Variants in ALKBH1 observed in about 807,000 individuals in gnomAD.
ALKBH1 encodes alkB homolog 1, histone H2A dioxygenase.
ALKBH1 carries 31 observed loss-of-function variants against 36.6 expected under a neutral mutation model. That is an observed-to-expected ratio of 0.85 (90% CI 0.64 to 1.14). The LOEUF is 1.14. Ranked by LOEUF, ALKBH1 falls within the 50% of genes most tolerant of loss-of-function variation. The probability of loss-of-function intolerance (pLI) is 0.00; values close to 1 mark genes in which losing one functional copy is unlikely to be tolerated. For synonymous variants in ALKBH1, 183 were observed against 186.6 expected (o/e 0.98, Z 0.16); for missense variants, 490 against 497.3 (o/e 0.99, Z 0.14).
In ALKBH1 at chr14:77,673,859, C is replaced by A; in HGVS notation, c.1123G>T (p.Asp375Tyr). Residue 375 changes from aspartate to tyrosine, a missense_variant, in exon 6 of 6, where the codon GAC (aspartate) becomes TAC (tyrosine). Physicochemically the swap from Asp to Tyr is radical, Grantham distance 160. Coordinates refer to ENST00000216489, the MANE Select transcript of ALKBH1 (RefSeq NM_006020.3). Reference protein sequence around the residue: ...ISTEGFCHLDDQNSEVKRARI... With the variant: ...ISTEGFCHLDYQNSEVKRARI... Reference sequence around the variant, plus strand: ...GCCCGTTTTACTTCGCTATTCTGGTCATCCAGATGGCAGAAACCTTCTGTA... The same window carrying A: ...GCCCGTTTTACTTCGCTATTCTGGTAATCCAGATGGCAGAAACCTTCTGTA... The A allele has an allele frequency of 6.2e-7, 1 of 1,614,096 alleles. No individual in the cohort carries two copies. The highest frequency in any genetic ancestry group is 1.1e-5 in the South Asian group (1 of 91,048).
At chr14:77,688,619 C>A (rs1443532252) in intron 3 of ALKBH1, among the ~76,000 whole-genome samples, 1 of 146,074 alleles carries the variant, frequency 6.8e-6, no homozygotes, top group Admixed American at 7.0e-5. Flanking sequence ...GTGGTGCGAT[C>A]TTGGCTCACT....
At chr14:77,699,514 T>C (rs1296813563) in intron 2 of ALKBH1, among the ~76,000 whole-genome samples, 1 of 152,234 alleles carries the variant, frequency 6.6e-6, no homozygotes, top group East Asian at 1.9e-4. Context: ...TGCTATCTCA[T>C]TAATCTTCAG....
chr14:77,683,207 C>T, intron 3 of ALKBH1: 1 of 660,264 alleles, frequency 1.5e-6, no homozygotes, highest in South Asian at 1.5e-5. Context: ...ACCTATTATG[C>T]TATGAATCCA....
At chr14:77,701,295 C>T (rs970177596) in intron 2 of ALKBH1, among the ~76,000 whole-genome samples, 1 of 152,052 alleles carries the variant, frequency 6.6e-6, no homozygotes, top group Non-Finnish European at 1.5e-5. Flanking sequence ...TCATAAGAAC[C>T]TTATGAAGTA....
chr14:77,696,613 C>G (rs2080328534), intron 2 of ALKBH1: 1 of 152,566 alleles, frequency 6.6e-6, no homozygotes, highest in Non-Finnish European at 1.5e-5. Context: ...AATTGGACAT[C>G]ACATGGCTCA....
rs374519674 is a variant in ALKBH1 at position 77,679,958 on chromosome 14, C to T, written c.468G>A (p.Ala156=). The change falls in exon 4 of 6, where the codon GCG becomes GCA. Residue 156 remains alanine, a synonymous_variant. Coordinates refer to ENST00000216489, the MANE Select transcript of ALKBH1 (RefSeq NM_006020.3). ...GTAAACTTCGGGGTCTCCGTTTAGT[C>T]GCTTCTTTATACCTGCAAAGATTGG... The part of the protein sequence containing the change: ...QSKEFLRYKE[A]TKRRPRSLLE... 150 of 1,613,698 alleles carry T rather than the reference C, an allele frequency of 9.3e-5. No individual in the cohort carries two copies. Among genetic ancestry groups the T allele is most frequent in the Non-Finnish European group, 1.2e-4 (143 of 1,179,742 alleles).
intron 3 of ALKBH1, among the ~76,000 whole-genome samples, chr14:77,682,509 G>C (rs994824111): frequency 6.6e-6 from 1 of 152,100 alleles, no homozygotes; most frequent in Non-Finnish European, 1.5e-5. Context: ...TAGGATACAA[G>C]AAAATGCTGT....
rs532582760 is a variant in ALKBH1, at chr14:77,707,847, C to T, written c.158G>A (p.Arg53His). 3.0e-4 allele frequency: 487 copies of T among 1,610,890 alleles called. No homozygotes were observed. The highest frequency in any genetic ancestry group is 3.9e-4 in the Non-Finnish European group (459 of 1,178,444). The stretch of plus-strand genomic sequence containing the variant: ...CTTTTGGGCACCAGGACCCTTGCCA[C>T]GGGCTGCGTGGGCCGCCGAGAAGTC... ...VIDFSAAHAARGKGPGAQKVI... is the reference protein window; with the variant it reads ...VIDFSAAHAAHGKGPGAQKVI... The change falls in exon 1 of 6, where the codon CGT becomes CAT. Residue 53 changes from arginine to histidine, a missense_variant. Physicochemically the swap from Arg to His is conservative, Grantham distance 29. Transcript: ENST00000216489.
chr14:77,707,645 A>C (rs1167424367), intron 1 of ALKBH1, among the ~76,000 whole-genome samples, 177 bp downstream of exon 1: 1 of 152,194 alleles, frequency 6.6e-6, no homozygotes, highest in Non-Finnish European at 1.5e-5. Flanking sequence ...CAGGCATCTC[A>C]ACGCTTTATT....
At chr14:77,700,012 A>G (rs2080350676) in intron 2 of ALKBH1, among the ~76,000 whole-genome samples, 1 of 152,084 alleles carries the variant, frequency 6.6e-6, no homozygotes, top group Admixed American at 6.6e-5. Flanking sequence ...CAGAGATCAC[A>G]CCACTGCACT....
At chr14:77,700,188 G>T (rs762313194) in intron 2 of ALKBH1, among the ~76,000 whole-genome samples, 6 of 152,148 alleles carry the variant, frequency 3.9e-5, no homozygotes, top group Non-Finnish European at 7.3e-5. Flanking sequence ...CAGCTGAAAG[G>T]AGGTTATGCC....
At chr14:77,706,526 CT>C (rs1158627394) in intron 1 of ALKBH1, among the ~76,000 whole-genome samples, 2 of 152,294 alleles carry the variant, frequency 1.3e-5, no homozygotes, top group South Asian at 2.1e-4. Context: ...AGTAACTTCT[CT>C]TAATTACTAC....
intron 3 of ALKBH1, chr14:77,683,383 G>A (rs2080249511): frequency 2.6e-6 from 2 of 781,380 alleles, no homozygotes; most frequent in Non-Finnish European, 4.6e-6. Context: ...TCGGCTCTTA[G>A]AGTGCTTAAT....
rs1002544945 is a variant in ALKBH1 at position 77,683,484 on chromosome 14, G to A, written c.456-3514C>T. On this transcript the variant is annotated intron_variant, in intron 3 of 5. Transcript: ENST00000216489. ...TGCTAACAGCATGCTGGGGAACACT[G>A]TAGACTCTTCCAGTTTTGCCATGGC... 6 of 710,510 alleles carry A rather than the reference G, an allele frequency of 8.4e-6. No individual in the cohort carries two copies. The African/African-American group carries it at 1.0e-4, about 12-fold the overall frequency. The allele number at this position is 710,510 out of a possible 1,614,324, so 44.0% of individuals were successfully genotyped here. A position where few individuals can be genotyped will look rare whatever the true frequency, so the allele number is the denominator to read the frequency against.
chr14:77,697,697 T>TAAAAA lies in ALKBH1; in HGVS notation c.293-2802_293-2798dup, dbSNP rs57516221. On this transcript the variant is annotated intron_variant, in intron 2 of 5. Coordinates refer to ENST00000216489, the MANE Select transcript of ALKBH1 (RefSeq NM_006020.3). ...TTACAAATAAAATCATTTGCTGTAA[T>TAAAAA]AAAAAAAAAAAAAAAAAAAAAGAAT... is the stretch of plus-strand genomic sequence containing the variant. 1.3e-4 allele frequency among the ~76,000 whole-genome samples: 14 copies of TAAAAA among 104,880 alleles called. 1 individual carries two copies. The highest frequency in any genetic ancestry group is 3.2e-4 in the Admixed American group (3 of 9,298). The allele number at this position is 104,880 out of a possible 152,430, so 68.8% of individuals were successfully genotyped here. A position where few individuals can be genotyped will look rare whatever the true frequency, so the allele number is the denominator to read the frequency against.
chr14:77,683,054 GTTGTCCAGGAT>G (rs2080246955), intron 3 of ALKBH1: 2 of 400,048 alleles, frequency 5.0e-6, no homozygotes, highest in East Asian at 9.5e-5. Context: ...GTCTCACCAT[GTTGTCCAGGAT>G]GATCTTGAAC....
rs1026699955 is a variant in ALKBH1, at chr14:77,677,473, CTTT to C, written c.547-1627_547-1625del. On this transcript the variant is annotated intron_variant, in intron 4 of 5. Coordinates refer to ENST00000216489, the MANE Select transcript of ALKBH1 (RefSeq NM_006020.3). The stretch of plus-strand genomic sequence containing the variant: ...GGCTATATGTACCTGACAGACTCTT[CTTT>C]TGTCTTGATGCTCCTCTGCTCTCAC... 2.6e-5 allele frequency among the ~76,000 whole-genome samples: 4 copies of C among 152,212 alleles called. No homozygotes were observed. In the East Asian group the frequency reaches 7.7e-4, roughly 29 times the overall value.
At chr14:77,699,676 G>A (rs578235203) in intron 2 of ALKBH1, among the ~76,000 whole-genome samples, 2 of 152,164 alleles carry the variant, frequency 1.3e-5, no homozygotes, top group Non-Finnish European at 2.9e-5. Flanking sequence ...TCTGGGATAC[G>A]ACAAACAGAG....
intron 3 of ALKBH1, among the ~76,000 whole-genome samples, chr14:77,689,921 T>G (rs183720214): frequency 3.0e-4 from 45 of 152,174 alleles, no homozygotes; most frequent in Admixed American, 1.7e-3. Context: ...TTCAGGGGGC[T>G]GAGGTGGGGC....
Sources: gnomAD v4.1 joint callset for allele counts (sites outside exome capture counted in the v4.1 genomes callset) on GRCh38, gnomAD v4.1.1 for gene constraint, MANE v1.5 for transcripts, NCBI Gene and HGNC (gene_info 2026-07-23, HGNC 2026-07-21) for gene names.